Variants in SND1 observed in about 807,000 individuals in gnomAD.
SND1 encodes the protein staphylococcal nuclease and tudor domain containing 1.
Under a neutral mutation model 121.7 loss-of-function variants are expected in SND1, and 38 were observed. The observed-to-expected ratio is 0.31, with a 90% CI of 0.24 to 0.41. SND1 has a LOEUF of 0.41. SND1 is among the 10% of genes least tolerant of loss of function. The pLI, the probability that SND1 is intolerant of heterozygous loss-of-function variation, is 1.00. For missense variants in SND1, 868 were observed against 1,184.6 expected (o/e 0.73, Z 3.92); for synonymous variants, 401 against 447.4 (o/e 0.90, Z 1.31).
At chr7:128,059,384 C>A (rs1473436296) in intron 16 of SND1, among the ~76,000 whole-genome samples, 8 of 152,208 alleles carry the variant, frequency 5.3e-5, no homozygotes, top group Non-Finnish European at 1.2e-4. Context: ...GAAGTGAATT[C>A]TCTCTCCTTT....
intron 10 of SND1, among the ~76,000 whole-genome samples, chr7:127,789,233 C>G (rs7799882): frequency 0.6 from 90,898 of 152,082 alleles, 27,580 homozygotes; most frequent in East Asian, 0.87. Context: ...TGCCAAGAAA[C>G]AGCCTGTGAT....
At chr7:128,011,550 G>T (rs1170793201) in intron 16 of SND1, among the ~76,000 whole-genome samples, 1 of 152,232 alleles carries the variant, frequency 6.6e-6, no homozygotes, top group Non-Finnish European at 1.5e-5. Context: ...GCTTGCTTCA[G>T]ATCCCAGAGC....
chr7:127,800,722 T>A (rs1798111452), intron 10 of SND1, among the ~76,000 whole-genome samples: 1 of 152,210 alleles, frequency 6.6e-6, no homozygotes, highest in Non-Finnish European at 1.5e-5. Context: ...CTTGTTTTTT[T>A]CCTTTTTACT....
intron 12 of SND1, among the ~76,000 whole-genome samples, chr7:127,884,281 ATATT>A (rs1799851668): frequency 6.6e-6 from 1 of 152,038 alleles, no homozygotes; most frequent in Non-Finnish European, 1.5e-5. Flanking sequence ...ATTTCCATCT[ATATT>A]TATTTTTATA....
chr7:127,994,570 AAAAAAAAAAAAAAAAC>A (rs1180995354), intron 16 of SND1, among the ~76,000 whole-genome samples: 9 of 138,688 alleles, frequency 6.5e-5, no homozygotes, highest in East Asian at 4.3e-4. Context: ...AAAAAAAAAA[AAAAAAAAAAAAAAAAC>A]AGTAAATTCA....
intron 14 of SND1, among the ~76,000 whole-genome samples, chr7:127,909,524 C>T (rs1410325129): frequency 6.6e-6 from 1 of 151,598 alleles, no homozygotes; most frequent in Admixed American, 6.6e-5. Context: ...GTGGCACAGT[C>T]ATAGCTCACT....
chr7:128,084,018 G>A (rs1002349743), intron 18 of SND1, among the ~76,000 whole-genome samples: 3 of 152,150 alleles, frequency 2.0e-5, no homozygotes, highest in African/African-American at 4.8e-5. Context: ...CTCCTGTGGC[G>A]CAGGGGCCCT....
At chr7:128,075,682 G>C (rs998357237) in intron 17 of SND1, among the ~76,000 whole-genome samples, 2 of 152,196 alleles carry the variant, frequency 1.3e-5, no homozygotes. Flanking sequence ...GAGTGGAGGT[G>C]GAAAGACTCC....
rs1554422862 is a variant in SND1 at position 127,764,056 on chromosome 7, A to AC, written c.1152+42656_1152+42657insC. Among the ~76,000 whole-genome samples, 9 of 135,216 alleles carry AC rather than the reference A, an allele frequency of 6.7e-5. 1 individual carries two copies. The highest frequency in any genetic ancestry group is 8.0e-5 in the Admixed American group (1 of 12,512). The allele number at this position is 135,216 out of a possible 152,430, so 88.7% of individuals were successfully genotyped here. ...CCTGTCGCAAAAAAAAAAAAAACAA[A>AC]AAAACAAAAAAACAAAAAACCCAAG... On this transcript the variant is annotated intron_variant, in intron 10 of 23. Coordinates refer to ENST00000354725, the MANE Select transcript of SND1 (RefSeq NM_014390.4).
rs189190104 is a variant in SND1, at chr7:127,795,739, C to T, written c.1153-11745C>T. Among the ~76,000 whole-genome samples the T allele has an allele frequency of 3.9e-5, 6 of 152,218 alleles. No homozygotes were observed. The East Asian group carries it at 7.7e-4, about 20-fold the overall frequency. On this transcript the variant is annotated intron_variant, in intron 10 of 23. Transcript: ENST00000354725. ...AATTTGGATTTTCTCTAACATTAGACGCAGGCTGCCAAGAGTACTACTTTT... is the reference window on the plus strand; with the variant it reads ...AATTTGGATTTTCTCTAACATTAGATGCAGGCTGCCAAGAGTACTACTTTT...
At chr7:127,945,096 T>C (rs981415436) in intron 15 of SND1, among the ~76,000 whole-genome samples, 12 of 152,198 alleles carry the variant, frequency 7.9e-5, no homozygotes, top group Admixed American at 2.0e-4. Context: ...GAACCCACCA[T>C]AACACTGCCT....
chr7:127,755,834 T>G (rs147513217), intron 10 of SND1, among the ~76,000 whole-genome samples: 2,252 of 152,354 alleles, frequency 0.015, 20 homozygotes, highest in Non-Finnish European at 0.025. Context: ...ACAATTTTAT[T>G]AATTTAAGCC....
At chr7:128,091,145 G>T (rs757052684) in intron 22 of SND1, among the ~76,000 whole-genome samples, 39 of 152,220 alleles carry the variant, frequency 2.6e-4, no homozygotes, top group Admixed American at 1.6e-3. Flanking sequence ...TAGGATATTA[G>T]AAGATGATAA....
chr7:127,706,954 AT>A (rs928382636), intron 8 of SND1, among the ~76,000 whole-genome samples: 1 of 152,048 alleles, frequency 6.6e-6, no homozygotes, highest in South Asian at 2.1e-4. Context: ...CTGTTCATTG[AT>A]TTTTTTTAAT....
At chr7:127,948,213 C>T (rs1249213275) in intron 15 of SND1, among the ~76,000 whole-genome samples, 2 of 152,120 alleles carry the variant, frequency 1.3e-5, no homozygotes, top group African/African-American at 4.8e-5. Context: ...AGGTATCTGC[C>T]CCCACTTCTC....
At chr7:127,922,450 A>G (rs528348345) in intron 14 of SND1, among the ~76,000 whole-genome samples, 27 of 152,040 alleles carry the variant, frequency 1.8e-4, no homozygotes, top group African/African-American at 6.5e-4. Flanking sequence ...TTCTCTTCCT[A>G]AGTATTTGCC....
chr7:127,787,083 G>A (rs1797826712), intron 10 of SND1, among the ~76,000 whole-genome samples: 1 of 152,162 alleles, frequency 6.6e-6, no homozygotes, highest in South Asian at 2.1e-4. Context: ...GGCCCAGATT[G>A]CATATTTGCT....
At chr7:127,979,032 G>T (rs1355073286) in intron 15 of SND1, among the ~76,000 whole-genome samples, 1 of 152,140 alleles carries the variant, frequency 6.6e-6, no homozygotes, top group Non-Finnish European at 1.5e-5. Context: ...TTCAGAGCGT[G>T]TTGGCGAGCT....
chr7:127,899,951 TGAG>T (rs1318359513), intron 13 of SND1, among the ~76,000 whole-genome samples: 1 of 152,194 alleles, frequency 6.6e-6, no homozygotes, highest in African/African-American at 2.4e-5. Flanking sequence ...AAGTTACAGA[TGAG>T]GAGACGTGTT....
Sources: gnomAD v4.1 joint callset for allele counts (sites outside exome capture counted in the v4.1 genomes callset) on GRCh38, gnomAD v4.1.1 for gene constraint, MANE v1.5 for transcripts, NCBI Gene and HGNC (gene_info 2026-07-23, HGNC 2026-07-21) for gene names.